Variants in ADGRV1 observed in about 807,000 individuals in gnomAD.
ADGRV1 encodes G-protein coupled receptor 98.
A neutral mutation model predicts 596.2 loss-of-function variants in ADGRV1; 359 were observed. The ratio of observed to expected loss-of-function variants is 0.60; its 90% CI spans 0.55 to 0.66. The LOEUF (loss-of-function observed/expected upper bound fraction) is 0.66, where lower values mean the gene tolerates loss of function less well. Ranked by LOEUF, ADGRV1 falls within the 30% of genes least tolerant of loss-of-function variation. The pLI, the probability that ADGRV1 is intolerant of heterozygous loss-of-function variation, is 0.00. For missense variants in ADGRV1, 7,274 were observed against 7,575.6 expected (o/e 0.96, Z 1.48); for synonymous variants, 2,681 against 2,679.2 (o/e 1.00, Z -0.02).
At chr5:90,987,399 G>A (rs1780582985) in intron 85 of ADGRV1, among the ~76,000 whole-genome samples, 1 of 151,078 alleles carries the variant, frequency 6.6e-6, no homozygotes, top group Non-Finnish European at 1.5e-5. Context: ...GAACCCAGGA[G>A]GCGGAAGTTG....
intron 88 of ADGRV1, among the ~76,000 whole-genome samples, chr5:91,151,009 T>A (rs1796004400): frequency 6.6e-6 from 1 of 152,144 alleles, no homozygotes; most frequent in South Asian, 2.1e-4. Flanking sequence ...TTGGTTACCA[T>A]TTTTTTATAA....
chr5:90,760,166 C>G (rs1756355902), intron 58 of ADGRV1, among the ~76,000 whole-genome samples: 1 of 149,624 alleles, frequency 6.7e-6, no homozygotes, highest in Non-Finnish European at 1.5e-5. Flanking sequence ...GTCCCAGCTG[C>G]TTGAGAGCCT....
chr5:90,696,677 C>T lies in ADGRV1; in HGVS notation c.7946-260C>T, dbSNP rs546213309. On this transcript the variant is annotated intron_variant, in intron 33 of 89. Transcript: ENST00000405460. Reference sequence around the variant, plus strand: ...AAAGCCATGATTCTTTGAAACAATTCTACCTTTTAACTTTCCCATAATTCA... The same window carrying T: ...AAAGCCATGATTCTTTGAAACAATTTTACCTTTTAACTTTCCCATAATTCA... Among the ~76,000 whole-genome samples, 3 of 152,138 alleles carry T rather than the reference C, an allele frequency of 2.0e-5. No homozygotes were observed. In the South Asian group the frequency reaches 6.2e-4, roughly 32 times the overall value.
At chr5:90,633,922 C>T (rs1765819012) in intron 9 of ADGRV1, among the ~76,000 whole-genome samples, 1 of 152,036 alleles carries the variant, frequency 6.6e-6, no homozygotes, top group Non-Finnish European at 1.5e-5. Context: ...TTAAAATGTA[C>T]TATCCATCGC....
At position 90,965,677 on chromosome 5, in the gene ADGRV1, A is replaced by G. The variant is rs1828176; in HGVS notation, c.17973+146A>G. The G allele has an allele frequency of 4.2e-3, 2,164 of 516,716 alleles. 42 individuals carry two copies. The highest frequency in any genetic ancestry group is 0.039 in the African/African-American group (2,029 of 52,568). The allele number at this position is 516,716 out of a possible 1,614,324, so 32.0% of individuals were successfully genotyped here. A position where few individuals can be genotyped will look rare whatever the true frequency, so the allele number is the denominator to read the frequency against. On this transcript the variant is annotated intron_variant, in intron 84 of 89. Transcript: ENST00000405460. ...CTCAGGATATAAATGACAAATAAAA[A>G]CACCCTATAAGCTGTACAACAGTAG... is the stretch of plus-strand genomic sequence containing the variant.
intron 87 of ADGRV1, among the ~76,000 whole-genome samples, chr5:91,147,000 A>C (rs1795590517): frequency 6.6e-6 from 1 of 151,970 alleles, no homozygotes; most frequent in Non-Finnish European, 1.5e-5. Flanking sequence ...CATCTGTACA[A>C]AAAATAAAAA....
intron 87 of ADGRV1, among the ~76,000 whole-genome samples, chr5:91,118,900 T>C (rs1793074198): frequency 6.6e-6 from 1 of 152,082 alleles, no homozygotes; most frequent in Non-Finnish European, 1.5e-5. Flanking sequence ...TTTCTTTTCC[T>C]GTCTCCATCT....
intron 87 of ADGRV1, among the ~76,000 whole-genome samples, chr5:91,136,014 A>T (rs557522844): frequency 6.6e-6 from 1 of 152,268 alleles, no homozygotes; most frequent in East Asian, 1.9e-4. Context: ...AGCACAGCAC[A>T]TCTTGAGGAA....
At chr5:90,785,503 C>T (rs1247404092) in intron 67 of ADGRV1, among the ~76,000 whole-genome samples, 2 of 152,110 alleles carry the variant, frequency 1.3e-5, no homozygotes, top group African/African-American at 2.4e-5. Flanking sequence ...TGCAATCTAT[C>T]CATCTGACAA....
intron 85 of ADGRV1, among the ~76,000 whole-genome samples, chr5:91,043,599 T>C (rs145747161): frequency 1.6e-3 from 243 of 152,290 alleles, no homozygotes; most frequent in African/African-American, 5.7e-3. Context: ...TTCCTCCATT[T>C]ATAAAATGGG....
At chr5:90,596,836 G>C (rs953121207) in intron 1 of ADGRV1, among the ~76,000 whole-genome samples, 14 of 150,792 alleles carry the variant, frequency 9.3e-5, no homozygotes, top group African/African-American at 2.4e-4. Flanking sequence ...AGAGGGCGAG[G>C]GAGAGGGAGA....
chr5:90,868,213 G>A (rs565847684), intron 83 of ADGRV1, among the ~76,000 whole-genome samples: 1 of 152,078 alleles, frequency 6.6e-6, no homozygotes, highest in South Asian at 2.1e-4. Context: ...CACTGTTGCT[G>A]TTATTATTAT....
rs184446578 is a variant in ADGRV1, at chr5:90,889,841, A to T, written c.17856+25984A>T. On this transcript the variant is annotated intron_variant, in intron 83 of 89. Coordinates refer to ENST00000405460, the MANE Select transcript of ADGRV1 (RefSeq NM_032119.4). ...AGCCCTATCAAAAGTGTGTACTGACACATTTGATAGGAAGCCTGTGGAGAA... is the reference window on the plus strand; with the variant it reads ...AGCCCTATCAAAAGTGTGTACTGACTCATTTGATAGGAAGCCTGTGGAGAA... Among the ~76,000 whole-genome samples, 411 of 152,288 alleles carry T rather than the reference A, an allele frequency of 2.7e-3. 1 individual carries two copies. Among genetic ancestry groups the T allele is most frequent in the Non-Finnish European group, 4.7e-3 (317 of 68,016 alleles).
At chr5:90,778,645 T>C in intron 63 of ADGRV1, 36 bp downstream of exon 63, 1 of 1,451,550 alleles carries the variant, frequency 6.9e-7, no homozygotes, top group East Asian at 2.4e-5. Flanking sequence ...TAATATCATT[T>C]TTATTTTTAG....
At chr5:91,151,015 T>A (rs946791231) in intron 88 of ADGRV1, among the ~76,000 whole-genome samples, 2 of 152,198 alleles carry the variant, frequency 1.3e-5, no homozygotes, top group African/African-American at 4.8e-5. Context: ...ACCATTTTTT[T>A]ATAAGCTCAT....
At chr5:91,126,964 C>T (rs748828147) in intron 87 of ADGRV1, among the ~76,000 whole-genome samples, 11 of 152,184 alleles carry the variant, frequency 7.2e-5, no homozygotes, top group South Asian at 2.1e-4. Context: ...CCTTGCAGAA[C>T]AGCCAGGTGT....
intron 21 of ADGRV1, among the ~76,000 whole-genome samples, chr5:90,672,045 C>T (rs1205668236): frequency 6.6e-6 from 1 of 152,152 alleles, no homozygotes; most frequent in African/African-American, 2.4e-5. Flanking sequence ...AAAATGATAC[C>T]ACCAAATATA....
At chr5:91,116,565 C>T (rs1208939431) in intron 87 of ADGRV1, among the ~76,000 whole-genome samples, 1 of 152,150 alleles carries the variant, frequency 6.6e-6, no homozygotes, top group Non-Finnish European at 1.5e-5. Flanking sequence ...TAATTCCCTT[C>T]AGTTAGTCTG....
rs566892468 is a variant in ADGRV1, at chr5:90,864,092, T to A, written c.17856+235T>A. The stretch of plus-strand genomic sequence containing the variant: ...CATCGCTTACAAAAAAAAAAACTTC[T>A]TATCACAAAGCATCTTATTGTCAGC... On this transcript the variant is annotated intron_variant, in intron 83 of 89. Coordinates refer to ENST00000405460, the MANE Select transcript of ADGRV1 (RefSeq NM_032119.4). Among the ~76,000 whole-genome samples the A allele has an allele frequency of 2.6e-5, 4 of 152,222 alleles. 1 individual carries two copies. The East Asian group carries it at 7.7e-4, about 29-fold the overall frequency.
Sources: allele counts gnomAD v4.1 joint callset (sites outside exome capture counted in the v4.1 genomes callset), GRCh38; gene constraint gnomAD v4.1.1; transcripts MANE v1.5; gene names NCBI Gene and HGNC (gene_info 2026-07-23, HGNC 2026-07-21).